The following ZNF98 variants were observed in gnomAD, a reference collection of about 807,000 sequenced individuals.
ZNF98 encodes the protein zinc finger protein 98, also known as zinc finger protein 739.
ZNF98 carries 8 observed loss-of-function variants against 12.8 expected under a neutral mutation model. The ratio of observed to expected loss-of-function variants is 0.63; its 90% CI spans 0.37 to 1.13. The LOEUF is 1.13. Ranked by LOEUF, ZNF98 falls within the 50% of genes most tolerant of loss-of-function variation. The pLI is 0.01. For missense variants in ZNF98, 379 were observed against 666.1 expected (o/e 0.57, Z 4.74); for synonymous variants, 112 against 223.5 (o/e 0.50, Z 4.45).
intron 3 of ZNF98, among the ~76,000 whole-genome samples, chr19:22,394,863 C>A (rs1237831551): frequency 6.6e-6 from 1 of 152,008 alleles, no homozygotes. Flanking sequence ...AGACAGGAAA[C>A]AATTATAGCA....
intron 3 of ZNF98, chr19:22,402,438 A>G (rs1969469801): frequency 2.5e-6 from 1 of 403,928 alleles, no homozygotes; most frequent in South Asian, 1.2e-4. Context: ...CTTGAAAAAC[A>G]GTTTAACATA....
At chr19:22,407,178 T>C (rs966030194) in intron 1 of ZNF98, among the ~76,000 whole-genome samples, 20 of 151,756 alleles carry the variant, frequency 1.3e-4, no homozygotes, top group Non-Finnish European at 2.1e-4. Context: ...TGTCTCAGCC[T>C]CTGGAGTAGC....
intron 3 of ZNF98, among the ~76,000 whole-genome samples, chr19:22,401,366 T>G (rs140528072): frequency 0.019 from 2,855 of 152,202 alleles, 93 homozygotes; most frequent in African/African-American, 0.065. Flanking sequence ...ACTAAAATAA[T>G]AAATTTCTGA....
chr19:22,395,868 A>AGG lies in ZNF98; in HGVS notation c.254-2889_254-2888dup, dbSNP rs11344417. Reference sequence around the variant, plus strand: ...AGATACCGTGTGACACAAAGTCCTGAGGGGGGGGAAAAAAAAAAGCTATCA... The same window carrying AGG: ...AGATACCGTGTGACACAAAGTCCTGAGGGGGGGGGGAAAAAAAAAAGCTATCA... On this transcript the variant is annotated intron_variant, in intron 3 of 3. Coordinates refer to ENST00000357774, the MANE Select transcript of ZNF98 (RefSeq NM_001098626.2). 2.3e-3 allele frequency among the ~76,000 whole-genome samples: 281 copies of AGG among 123,682 alleles called. 1 individual carries two copies. The highest frequency in any genetic ancestry group is 7.7e-3 in the African/African-American group (253 of 32,708). The allele number at this position is 123,682 out of a possible 152,430, so 81.1% of individuals were successfully genotyped here.
At chr19:22,393,489 T>C (rs1194320181) in intron 3 of ZNF98, among the ~76,000 whole-genome samples, 2 of 151,978 alleles carry the variant, frequency 1.3e-5, no homozygotes, top group African/African-American at 4.8e-5. Context: ...AACAGATATA[T>C]AGACCAATGG....
At chr19:22,401,675 G>A (rs1969459003) in intron 3 of ZNF98, among the ~76,000 whole-genome samples, 1 of 151,220 alleles carries the variant, frequency 6.6e-6, no homozygotes, top group African/African-American at 2.4e-5. Flanking sequence ...AGTAGAGACA[G>A]GGTTTCATCA....
intron 1 of ZNF98, among the ~76,000 whole-genome samples, chr19:22,407,700 A>G (rs1421259221): frequency 6.7e-6 from 1 of 149,482 alleles, no homozygotes; most frequent in Non-Finnish European, 1.5e-5. Context: ...TGACAGAGTG[A>G]GACTCTGTCT....
At chr19:22,398,133 C>T (rs1969418005) in intron 3 of ZNF98, among the ~76,000 whole-genome samples, 1 of 151,924 alleles carries the variant, frequency 6.6e-6, no homozygotes, top group Non-Finnish European at 1.5e-5. Context: ...TGAAAAAAAG[C>T]AGGAAATATT....
chr19:22,417,461 G>A lies in ZNF98; in HGVS notation c.30+4734C>T, dbSNP rs140804187. ...ATAACAAACCTGCATGTGTACCCCT[G>A]AACCAAAAATAAAAGTTAAAAAGAA... On this transcript the variant is annotated intron_variant, in intron 1 of 3. Coordinates refer to ENST00000357774, the MANE Select transcript of ZNF98 (RefSeq NM_001098626.2). Among the ~76,000 whole-genome samples, 883 of 152,090 alleles carry A rather than the reference G, an allele frequency of 5.8e-3. 7 individuals carry two copies. Among genetic ancestry groups the A allele is most frequent in the South Asian group, 0.018 (88 of 4,812 alleles).
intron 1 of ZNF98, among the ~76,000 whole-genome samples, chr19:22,415,465 T>C (rs1310853930): frequency 6.6e-6 from 1 of 152,102 alleles, no homozygotes; most frequent in East Asian, 1.9e-4. Flanking sequence ...TTCTCAACTG[T>C]ATACTGGATA....
chr19:22,417,069 A>G (rs1969651961), intron 1 of ZNF98, among the ~76,000 whole-genome samples: 1 of 152,056 alleles, frequency 6.6e-6, no homozygotes, highest in South Asian at 2.1e-4. Context: ...ATCTCTATTA[A>G]AAATACAAAA....
chr19:22,406,718 G>A (rs563211446), intron 1 of ZNF98, among the ~76,000 whole-genome samples: 2 of 152,070 alleles, frequency 1.3e-5, no homozygotes, highest in South Asian at 2.1e-4. Context: ...TTGGGAGGCC[G>A]AGGCAGAAGA....
intron 1 of ZNF98, among the ~76,000 whole-genome samples, chr19:22,414,241 AAAAAAAAAAAAAAAAG>A (rs1402966431): frequency 1.8e-4 from 12 of 64,910 alleles, no homozygotes; most frequent in African/African-American, 4.3e-4. Flanking sequence ...TCAAAAAAAA[AAAAAAAAAAAAAAAAG>A]AAAGCAAGCA....
intron 1 of ZNF98, among the ~76,000 whole-genome samples, chr19:22,413,978 C>T (rs546456989): frequency 1.3e-5 from 2 of 151,292 alleles, no homozygotes; most frequent in African/African-American, 4.8e-5. Context: ...TGGCTCACAC[C>T]CATAATCCCA....
At chr19:22,410,638 T>C (rs1489307526) in intron 1 of ZNF98, among the ~76,000 whole-genome samples, 3 of 152,190 alleles carry the variant, frequency 2.0e-5, no homozygotes, top group East Asian at 3.8e-4. Context: ...GAAGGGTCAG[T>C]ACATGCAGCA....
At chr19:22,400,460 G>T (rs897485598) in intron 3 of ZNF98, among the ~76,000 whole-genome samples, 4 of 151,790 alleles carry the variant, frequency 2.6e-5, no homozygotes, top group Admixed American at 2.6e-4. Context: ...AGTCCTGAAG[G>T]ATACTCACTC....
At position 22,403,653 on chromosome 19, in the gene ZNF98, G is replaced by A. The variant is rs540661628; in HGVS notation, c.31-141C>T. 3.5e-3 allele frequency: 3,096 copies of A among 880,778 alleles called. 17 individuals carry two copies. Among genetic ancestry groups the A allele is most frequent in the South Asian group, 0.014 (650 of 45,136 alleles). 54.6% of individuals were successfully genotyped at this position (880,778 alleles called of 1,614,324 possible). On this transcript the variant is annotated intron_variant, in intron 1 of 3. Transcript: ENST00000357774. The stretch of plus-strand genomic sequence containing the variant: ...TGATATATTTAATAAATAACTTTCA[G>A]CACAGAAGTATTCTCTAATGTATTC...
intron 1 of ZNF98, 76 bp downstream of exon 1, chr19:22,422,119 T>C: frequency 6.3e-7 from 1 of 1,585,194 alleles, no homozygotes. Context: ...GAGGCCTGAG[T>C]CCCGCCACAG....
At chr19:22,403,609 TCTTA>T in intron 1 of ZNF98, 97 bp from the exon 2 acceptor site, 2 of 1,270,348 alleles carry the variant, frequency 1.6e-6, no homozygotes, top group Non-Finnish European at 2.2e-6. Flanking sequence ...GAGAACTGGT[TCTTA>T]CTTATAGGAG....
Sources: gnomAD v4.1 joint callset for allele counts (sites outside exome capture counted in the v4.1 genomes callset) on GRCh38, gnomAD v4.1.1 for gene constraint, MANE v1.5 for transcripts, NCBI Gene and HGNC (gene_info 2026-07-23, HGNC 2026-07-21) for gene names.